Variants in MYH2 observed in about 807,000 individuals in gnomAD.
MYH2 encodes the protein myosin heavy chain 2, also known as myosin-2.
MYH2 carries 139 observed loss-of-function variants against 228.1 expected under a neutral mutation model. The observed-to-expected ratio is 0.61, with a 90% CI of 0.53 to 0.70. MYH2 has a LOEUF of 0.70. MYH2 is among the 30% of genes least tolerant of loss of function. The probability of loss-of-function intolerance (pLI) is 0.00; values close to 1 mark genes in which losing one functional copy is unlikely to be tolerated. For synonymous variants in MYH2, 796 were observed against 871.1 expected, an observed-to-expected ratio of 0.91 and a Z score of 1.52; for missense variants, 1,809 against 2,357.5, an observed-to-expected ratio of 0.77 and a Z score of 4.82.
At chr17:10,536,712 C>G (rs2073486170) in intron 16 of MYH2, 106 bp from the exon 17 acceptor site, 1 of 1,009,350 alleles carries the variant, frequency 9.9e-7, no homozygotes, top group Non-Finnish European at 1.5e-6. Context: ...TTCTACCCAG[C>G]TGGCCTCTCT....
chr17:10,547,885 C>G lies in MYH2; in HGVS notation c.36G>C (p.Glu12Asp). Residue 12 changes from glutamate to aspartate, a missense_variant, in exon 3 of 40, where the codon GAG becomes GAC. Around this residue, in one of 9 missense-constraint regions of MYH2, gnomAD observed 84 missense variants for 81.8 expected, o/e 1.03. Transcript: ENST00000245503. ...CAGACTTTCGGAGGAAAGGAGCAGC[C>G]TCCCCAAAAACAGCCAATTCTGAGT... is the stretch of plus-strand genomic sequence containing the variant. ...SSDSELAVFG[E>D]AAPFLRKSER... 6.2e-7 allele frequency: 1 copy of G among 1,614,174 alleles called. No homozygotes were observed. Among genetic ancestry groups the G allele is most frequent in the South Asian group, 1.1e-5 (1 of 91,086 alleles).
chr17:10,537,630 G>T lies in MYH2; in HGVS notation c.1587+35C>A, dbSNP rs376577927. 2 of 1,614,072 alleles carry T rather than the reference G, an allele frequency of 1.2e-6. No individual in the cohort carries two copies. The highest frequency in any genetic ancestry group is 2.7e-5 in the African/African-American group (2 of 74,984). On this transcript the variant is annotated intron_variant, in intron 15 of 39. Coordinates refer to ENST00000245503, the MANE Select transcript of MYH2 (RefSeq NM_017534.6). The surrounding 1 kb of genome is among the most constrained non-coding windows in gnomAD (Gnocchi z 4.0). Reference sequence around the variant, plus strand: ...ATAAAAAGCAGCGAATAATATAGTTGCCGCAAAATATGGTTTCAGAAATGC... The same window carrying T: ...ATAAAAAGCAGCGAATAATATAGTTTCCGCAAAATATGGTTTCAGAAATGC...
chr17:10,534,892 G>T (rs1245490912), intron 19 of MYH2, among the ~76,000 whole-genome samples, 181 bp downstream of exon 19: 1 of 152,256 alleles, frequency 6.6e-6, no homozygotes, highest in African/African-American at 2.4e-5. Context: ...ACTCCAGCCT[G>T]GGTGACAGAG....
rs116261127 is a variant in MYH2, at chr17:10,541,953, G to A, written c.904+922C>T. Among the ~76,000 whole-genome samples the A allele has an allele frequency of 2.0e-3, 312 of 152,244 alleles. 3 individuals carry two copies. Among genetic ancestry groups the A allele is most frequent in the African/African-American group, 6.8e-3 (282 of 41,532 alleles). On this transcript the variant is annotated intron_variant, in intron 10 of 39. Transcript: ENST00000245503. ...CCATCGCAAACACCTTGAAGTTGATGTCATGGTGCTCTTATAAATCCTTAT... is the reference window on the plus strand; with the variant it reads ...CCATCGCAAACACCTTGAAGTTGATATCATGGTGCTCTTATAAATCCTTAT...
intron 30 of MYH2, 123 bp downstream of exon 30, chr17:10,526,476 G>T: frequency 1.4e-6 from 2 of 1,468,106 alleles, no homozygotes. Flanking sequence ...GCCTGATTGT[G>T]ACTGGCACAT....
rs760262646 is a variant in MYH2 at position 10,528,994 on chromosome 17, C to T, written c.3440G>A (p.Arg1147Gln). Reference sequence around the variant, plus strand: ...CCTCTCGCTGATCTCCTCCAGCTCCCGGGAGAGGTCAGAGCGCTGCTTCTC... The same window carrying T: ...CCTCTCGCTGATCTCCTCCAGCTCCTGGGAGAGGTCAGAGCGCTGCTTCTC... ...KAEKQRSDLS[R>Q]ELEEISERLE... The change falls in exon 27 of 40, where the codon CGG (arginine) becomes CAG (glutamine). Residue 1147 changes from arginine to glutamine, a missense_variant. Physicochemically the swap from Arg to Gln is conservative, Grantham distance 43 (BLOSUM62 1). Transcript: ENST00000245503. The T allele has an allele frequency of 2.6e-5, 42 of 1,614,076 alleles. No homozygotes were observed. Among genetic ancestry groups the T allele is most frequent in the Admixed American group, 5.0e-5 (3 of 60,004 alleles).
intron 5 of MYH2, 111 bp from the exon 6 acceptor site, chr17:10,544,238 T>C: frequency 7.2e-7 from 1 of 1,384,064 alleles, no homozygotes; most frequent in Non-Finnish European, 1.0e-6. Context: ...TTGCAACCTT[T>C]AGGGCTTGGC....
chr17:10,534,353 A>G (rs2073458300), intron 19 of MYH2, among the ~76,000 whole-genome samples: 1 of 152,226 alleles, frequency 6.6e-6, no homozygotes, highest in African/African-American at 2.4e-5. Flanking sequence ...AGAGTTTCTA[A>G]CTCAACCACT....
At chr17:10,538,656 A>AG (rs1191529329) in intron 14 of MYH2, among the ~76,000 whole-genome samples, 1 of 151,940 alleles carries the variant, frequency 6.6e-6, no homozygotes, top group Admixed American at 6.6e-5. Flanking sequence ...AAAAAAAAAA[A>AG]AAAATCACCA....
In MYH2 at chr17:10,539,373, A is replaced by G; in HGVS notation, c.1267-19T>C. 1.2e-6 allele frequency: 2 copies of G among 1,614,168 alleles called. No homozygotes were observed. The highest frequency in any genetic ancestry group is 1.7e-6 in the Non-Finnish European group (2 of 1,180,032). ...TGGACACCTTAAAAGACAAAATTAT[A>G]ACTCTCGAAGTTATTAAAGGCCTAT... On this transcript the variant is annotated intron_variant, in intron 13 of 39. Transcript: ENST00000245503.
chr17:10,525,986 A>G lies in MYH2; in HGVS notation c.4188-110T>C. The G allele has an allele frequency of 8.0e-7, 1 of 1,245,384 alleles. No individual in the cohort carries two copies. Among genetic ancestry groups the G allele is most frequent in the South Asian group, 1.3e-5 (1 of 75,004 alleles). 77.1% of individuals were successfully genotyped at this position (1,245,384 alleles called of 1,614,324 possible). On this transcript the variant is annotated intron_variant, in intron 30 of 39. Coordinates refer to ENST00000245503, the MANE Select transcript of MYH2 (RefSeq NM_017534.6). This position sits in a 1 kb window ranked among gnomAD's most constrained non-coding sequence, Gnocchi z 4.2. ...AACTTCACATTAATGCTGCCCAGCC[A>G]CCTTTCATTCTTTCAACAAATATTG...
intron 22 of MYH2, 61 bp from the exon 23 acceptor site, chr17:10,530,135 G>C: frequency 6.2e-7 from 1 of 1,611,444 alleles, no homozygotes; most frequent in Non-Finnish European, 8.5e-7. Flanking sequence ...CAATGGATAA[G>C]AGTGTATGTT....
chr17:10,536,669 G>C, intron 16 of MYH2, 63 bp from the exon 17 acceptor site: 1 of 1,481,276 alleles, frequency 6.8e-7, no homozygotes, highest in Non-Finnish European at 9.3e-7. Flanking sequence ...TTGCGTATTT[G>C]CTGATTTCTG....
At chr17:10,539,649 G>T in intron 12 of MYH2, 87 bp from the exon 13 acceptor site, 9 of 1,383,586 alleles carry the variant, frequency 6.5e-6, no homozygotes, top group Non-Finnish European at 9.2e-6. Flanking sequence ...CAAGTATTTT[G>T]TGCAGTGTTT....
At chr17:10,547,407 C>A (rs1199608749) in intron 4 of MYH2, 68 bp downstream of exon 4, 1 of 1,590,168 alleles carries the variant, frequency 6.3e-7, no homozygotes, top group African/African-American at 1.3e-5. Context: ...TATTTATGCT[C>A]AGTGGAAGAA....
Position 10,531,623 on chromosome 17 carries a change from T to C in MYH2, c.2697+10A>G, listed in dbSNP as rs1169105727. The C allele has an allele frequency of 6.2e-7, 1 of 1,614,192 alleles. No individual in the cohort carries two copies. ...TGGTTAGTGATACCAAGGGTGATAT[T>C]CCAACTCACAGCCTGAACTTGGAGC... On this transcript the variant is annotated intron_variant, in intron 22 of 39. Transcript: ENST00000245503.
Position 10,525,804 on chromosome 17 carries a change from G to A in MYH2, c.4260C>T (p.Leu1420=), listed in dbSNP as rs201015317. 40 of 1,614,150 alleles carry A rather than the reference G, an allele frequency of 2.5e-5. 1 individual carries two copies. In the African/African-American group the frequency reaches 2.8e-4, roughly 11 times the overall value. The stretch of plus-strand genomic sequence containing the variant: ...TCTGCAGCCGCTGCTTCGTCTTTTC[G>A]AGGGAAGCACATTTGGCGTTCACAG... The part of the protein sequence containing the change: ...VEAVNAKCAS[L]EKTKQRLQNE... Residue 1420 remains leucine (L), a synonymous_variant, in exon 31 of 40, where the codon CTC becomes CTT. Coordinates refer to ENST00000245503, the MANE Select transcript of MYH2 (RefSeq NM_017534.6). The surrounding 1 kb of genome is among the most constrained non-coding windows in gnomAD (Gnocchi z 4.2).
At chr17:10,526,518 TTC>T in intron 30 of MYH2, 79 bp downstream of exon 30, 2 of 1,591,080 alleles carry the variant, frequency 1.3e-6, no homozygotes, top group Admixed American at 1.7e-5. Flanking sequence ...TGTGGACTAA[TTC>T]ACTGAATCTT....
chr17:10,523,546 G>A lies in MYH2; in HGVS notation c.5422C>T (p.Gln1808Ter). 1.2e-6 allele frequency: 2 copies of A among 1,614,218 alleles called. No individual in the cohort carries two copies. Among genetic ancestry groups the A allele is most frequent in the Non-Finnish European group, 1.7e-6 (2 of 1,180,040 alleles). ...DLQLRLDEAE[Q>*]LALKGGKKQI... ...TTCTTCCCACCCTTCAGGGCCAGCT[G>A]CTCAGCCTCATCCAGACGGAGCTGC... The change falls in exon 37 of 40, where the codon CAG becomes TAG. Residue 1808 changes from glutamine to a stop codon, truncating the protein, a stop_gained. Coordinates refer to ENST00000245503, the MANE Select transcript of MYH2 (RefSeq NM_017534.6). LOFTEE classifies it high-confidence loss of function.
Sources: gnomAD v4.1 joint callset for allele counts (sites outside exome capture counted in the v4.1 genomes callset) on GRCh38, gnomAD v4.1.1 for gene constraint, gnomAD v4.1.1 regional missense constraint, Gnocchi (gnomAD v3.1) non-coding constraint, MANE v1.5 for transcripts, NCBI Gene and HGNC (gene_info 2026-07-23, HGNC 2026-07-21) for gene names.